Variants in ANKFY1 observed in about 807,000 individuals in gnomAD.
The protein encoded by ANKFY1 is ankyrin repeat and FYVE domain containing 1.
A neutral mutation model predicts 128.3 loss-of-function variants in ANKFY1; 47 were observed. That is an observed-to-expected ratio of 0.37 (90% CI 0.29 to 0.47). The LOEUF is 0.47. Among genes scored for constraint, ANKFY1 ranks in the 20% least tolerant of loss-of-function variants. ANKFY1 has a pLI of 1.00. For synonymous variants in ANKFY1, 553 were observed against 601.6 expected (o/e 0.92, Z 1.18); for missense variants, 1,222 against 1,510.6 (o/e 0.81, Z 3.17).
At chr17:4,253,244 A>T (rs912722356) in intron 1 of ANKFY1, among the ~76,000 whole-genome samples, 1 of 151,954 alleles carries the variant, frequency 6.6e-6, no homozygotes, top group Non-Finnish European at 1.5e-5. Flanking sequence ...ACAACAACAA[A>T]CCATACTAGG....
chr17:4,245,874 T>C (rs1967515085), intron 1 of ANKFY1, among the ~76,000 whole-genome samples: 1 of 151,572 alleles, frequency 6.6e-6, no homozygotes, highest in Non-Finnish European at 1.5e-5. Context: ...TGAAACCCCA[T>C]CTCTACTAAA....
chr17:4,207,510 A>C (rs764444534), intron 6 of ANKFY1, among the ~76,000 whole-genome samples: 11 of 152,220 alleles, frequency 7.2e-5, no homozygotes, highest in Non-Finnish European at 1.0e-4. Flanking sequence ...TCTGGAAAGA[A>C]GCACAGCCTG....
intron 3 of ANKFY1, chr17:4,222,527 T>G: frequency 9.2e-7 from 1 of 1,088,330 alleles, no homozygotes; most frequent in Non-Finnish European, 1.4e-6. Flanking sequence ...CTACGCACTT[T>G]ATCAGTATTT....
At position 4,170,799 on chromosome 17, in the gene ANKFY1, C is replaced by T; in HGVS notation, c.3202G>A (p.Ala1068Thr). 6.2e-7 allele frequency: 1 copy of T among 1,614,120 alleles called. No individual in the cohort carries two copies. The highest frequency in any genetic ancestry group is 8.5e-7 in the Non-Finnish European group (1 of 1,180,010). Reference sequence around the variant, plus strand: ...TGGTTGTTATTCACCCCGAGGCGAGCCCCCGACCGGACGATGGCGCGGCAC... The same window carrying T: ...TGGTTGTTATTCACCCCGAGGCGAGTCCCCGACCGGACGATGGCGCGGCAC... Reference protein sequence around the residue: ...NLCRAIVRSGARLGVNNNQGV... With the variant: ...NLCRAIVRSGTRLGVNNNQGV... The change falls in exon 23 of 25, where the codon GCT becomes ACT. Residue 1068 changes from alanine (A) to threonine (T), a missense_variant. By Grantham distance (58) the Ala-to-Thr change is moderately conservative (BLOSUM62 0). Transcript: ENST00000341657.
chr17:4,217,203 ATAAAG>A (rs2060235302), intron 3 of ANKFY1, 85 bp from the exon 4 acceptor site: 7 of 1,473,316 alleles, frequency 4.8e-6, no homozygotes, highest in African/African-American at 1.4e-5. Context: ...TTTGAGGCTA[ATAAAG>A]TAAATGACAG....
chr17:4,200,088 G>T (rs549154720), intron 7 of ANKFY1, among the ~76,000 whole-genome samples: 2 of 150,634 alleles, frequency 1.3e-5, no homozygotes, highest in African/African-American at 4.9e-5. Flanking sequence ...TTGAGACAGG[G>T]TCTCACTCTG....
intron 1 of ANKFY1, among the ~76,000 whole-genome samples, chr17:4,245,054 G>C (rs199803361): frequency 2.0e-4 from 30 of 152,026 alleles, no homozygotes; most frequent in East Asian, 1.2e-3. Flanking sequence ...CCTGCCAGTG[G>C]TTCTCCTCCT....
chr17:4,222,371 TTAATC>T (rs2060340608), intron 3 of ANKFY1: 1 of 780,912 alleles, frequency 1.3e-6, no homozygotes, highest in East Asian at 2.4e-5. Context: ...GCTCTGTCCT[TTAATC>T]TGTTAGTACC....
At chr17:4,197,348 GCA>G (rs767843903) in intron 8 of ANKFY1, 23 bp downstream of exon 8, 2 of 1,611,926 alleles carry the variant, frequency 1.2e-6, no homozygotes, top group East Asian at 2.2e-5. Context: ...AGTGCTAAGG[GCA>G]CAGTGTCTGC....
At chr17:4,173,203 A>G in intron 21 of ANKFY1, 151 bp downstream of exon 21, 1 of 671,786 alleles carries the variant, frequency 1.5e-6, no homozygotes, top group Non-Finnish European at 2.5e-6. Context: ...ACCGGTACCA[A>G]AAGTACCAAA....
chr17:4,200,157 G>A (rs2059902309), intron 7 of ANKFY1, among the ~76,000 whole-genome samples: 1 of 151,876 alleles, frequency 6.6e-6, no homozygotes, highest in Non-Finnish European at 1.5e-5. Flanking sequence ...AACTTCCAGG[G>A]CTCAGTTGAT....
At chr17:4,223,300 C>G (rs2060360027) in intron 3 of ANKFY1, 1 of 1,107,578 alleles carries the variant, frequency 9.0e-7, no homozygotes, top group Non-Finnish European at 1.4e-6. Context: ...TACGGCAGTG[C>G]AAGTTAGTAG....
chr17:4,239,806 T>G (rs1180766793), intron 2 of ANKFY1, among the ~76,000 whole-genome samples: 1 of 152,178 alleles, frequency 6.6e-6, no homozygotes, highest in Non-Finnish European at 1.5e-5. Context: ...CCCAAAGTGC[T>G]GGGATTACAG....
rs760624372 is a variant in ANKFY1, at chr17:4,195,394, C to T, written c.1172+9G>A. 6.2e-7 allele frequency: 1 copy of T among 1,613,874 alleles called. No individual in the cohort carries two copies. The highest frequency in any genetic ancestry group is 1.1e-5 in the South Asian group (1 of 91,062). The stretch of plus-strand genomic sequence containing the variant: ...CCGCCTTCTCACTTGTGCGTGTCTC[C>T]CTACGTACTGTTTGCACTGCAGCAG... On this transcript the variant is annotated intron_variant, in intron 9 of 24. Coordinates refer to ENST00000341657, the MANE Select transcript of ANKFY1 (RefSeq NM_001330063.2).
chr17:4,174,161 C>A, intron 19 of ANKFY1, 105 bp from the exon 20 acceptor site: 1 of 1,351,090 alleles, frequency 7.4e-7, no homozygotes, highest in Non-Finnish European at 1.0e-6. Flanking sequence ...AGGCTGATGG[C>A]CTGCCCTGCT....
At chr17:4,253,566 C>T (rs534072564) in intron 1 of ANKFY1, among the ~76,000 whole-genome samples, 3 of 152,290 alleles carry the variant, frequency 2.0e-5, no homozygotes, top group East Asian at 3.9e-4. Flanking sequence ...CCCTTCTCAT[C>T]CTTCTACTTC....
chr17:4,223,645 T>C, intron 3 of ANKFY1: 1 of 1,578,056 alleles, frequency 6.3e-7, no homozygotes, highest in Non-Finnish European at 8.7e-7. Flanking sequence ...ACATGGACAC[T>C]GACCCCTTCG....
intron 1 of ANKFY1, chr17:4,263,504 A>G: frequency 8.4e-7 from 1 of 1,189,406 alleles, no homozygotes; most frequent in East Asian, 3.9e-5. Context: ...GCCCGAGGAG[A>G]CCCACGCTCT....
chr17:4,252,227 C>T (rs911660591), intron 1 of ANKFY1, among the ~76,000 whole-genome samples: 4 of 152,100 alleles, frequency 2.6e-5, no homozygotes, highest in Admixed American at 6.6e-5. Context: ...TGAAATACCA[C>T]TACACACCTA....
Sources: allele counts gnomAD v4.1 joint callset (sites outside exome capture counted in the v4.1 genomes callset), GRCh38; gene constraint gnomAD v4.1.1; transcripts MANE v1.5; gene names NCBI Gene and HGNC (gene_info 2026-07-23, HGNC 2026-07-21).